ATXN7: variants seen among roughly 807,000 people sequenced by gnomAD.
ATXN7 encodes the protein ataxin-7.
ATXN7 carries 12 observed loss-of-function variants against 70.5 expected under a neutral mutation model. The observed-to-expected ratio is 0.17, with a 90% CI of 0.11 to 0.28. ATXN7 has a LOEUF of 0.28. Ranked by LOEUF, ATXN7 falls within the 10% of genes least tolerant of loss-of-function variation. ATXN7 has a pLI of 1.00. For missense variants in ATXN7, 1,256 were observed against 1,131.7 expected, an observed-to-expected ratio of 1.11 and a Z score of -1.58; for synonymous variants, 498 against 448.7, an observed-to-expected ratio of 1.11 and a Z score of -1.39.
At position 63,996,266 on chromosome 3, in the gene ATXN7, C is replaced by T. The variant is rs1382135714; in HGVS notation, c.2444C>T (p.Pro815Leu). ...TTCATTCACCAGTCCAATGAACTGC[C>T]TGTCAACTCCCACGGCAGTTTTTCC... The part of the protein sequence containing the change: ...GPFIHQSNEL[P>L]VNSHGSFSHS... The change falls in exon 12 of 13, where the codon CCT becomes CTT. Residue 815 changes from proline (P) to leucine (L), a missense_variant. Transcript: ENST00000674280. 1.2e-6 allele frequency: 2 copies of T among 1,614,046 alleles called. No homozygotes were observed. The highest frequency in any genetic ancestry group is 1.7e-6 in the Non-Finnish European group (2 of 1,180,044).
intron 5 of ATXN7, among the ~76,000 whole-genome samples, chr3:63,956,056 C>T (rs2075034262): frequency 6.6e-6 from 1 of 152,186 alleles, no homozygotes; most frequent in African/African-American, 2.4e-5. Context: ...TCCATTTGAG[C>T]AATGATGGTG....
Position 63,982,349 on chromosome 3 carries a change from A to T in ATXN7, c.916A>T (p.Ile306Phe), listed in dbSNP as rs140270787. 2,985 of 1,614,172 alleles carry T rather than the reference A, an allele frequency of 1.8e-3. 2 individuals are homozygous for T. Among genetic ancestry groups the T allele is most frequent in the Non-Finnish European group, 2.3e-3 (2,714 of 1,180,030 alleles). Residue 306 changes from isoleucine (I) to phenylalanine (F), a missense_variant, in exon 7 of 13, where the codon ATT becomes TTT. Ile to Phe is a conservative substitution (Grantham distance 21). Coordinates refer to ENST00000674280, the MANE Select transcript of ATXN7 (RefSeq NM_001377405.1). ...GCCAACCTTGCCTTCACCTGGACAG[A>T]TTCTGAATGGCAAAGGGCTTCCTGC... ...PKPTLPSPGQ[I>F]LNGKGLPAPP...
rs950291394 is a variant in ATXN7 at position 64,002,596 on chromosome 3, A to T, written c.*3129A>T. 2 of 152,148 alleles carry T rather than the reference A, an allele frequency of 1.3e-5. No individual in the cohort carries two copies. The highest frequency in any genetic ancestry group is 4.8e-5 in the African/African-American group (2 of 41,416). The allele number at this position is 152,148 out of a possible 1,614,324, so 9.4% of individuals were successfully genotyped here. A position where few individuals can be genotyped will look rare whatever the true frequency, so the allele number is the denominator to read the frequency against. On this transcript the variant is annotated 3_prime_UTR_variant, in exon 13 of 13. Transcript: ENST00000674280. The stretch of plus-strand genomic sequence containing the variant: ...ATGGAAAAAACTGAAAGTGCCTGAA[A>T]CTAGTTTTAAGCTTAGACAGAATCT...
rs370777077 is a variant in ATXN7, at chr3:63,885,770, A to G, written c.-110-12629A>G. Among the ~76,000 whole-genome samples, 32 of 152,310 alleles carry G rather than the reference A, an allele frequency of 2.1e-4. No individual in the cohort carries two copies. In the East Asian group the frequency reaches 2.3e-3, roughly 11 times the overall value. Reference sequence around the variant, plus strand: ...AGTGGCTCATGCCTGTAATCCCAGCACTTTGGGAGGCCAAGGTAGGTGAAT... The same window carrying G: ...AGTGGCTCATGCCTGTAATCCCAGCGCTTTGGGAGGCCAAGGTAGGTGAAT... On this transcript the variant is annotated intron_variant, in intron 1 of 12. Coordinates refer to ENST00000674280, the MANE Select transcript of ATXN7 (RefSeq NM_001377405.1).
intron 5 of ATXN7, among the ~76,000 whole-genome samples, chr3:63,964,603 G>A (rs886959677): frequency 6.6e-6 from 1 of 152,288 alleles, no homozygotes; most frequent in African/African-American, 2.4e-5. Flanking sequence ...GAGAGCCATC[G>A]ACCAAAAGAT....
rs116309479 is a variant in ATXN7, at chr3:63,871,418, G to C, written c.-111+7260G>C. Among the ~76,000 whole-genome samples the C allele has an allele frequency of 2.7e-3, 405 of 152,112 alleles. 2 individuals carry two copies. Among genetic ancestry groups the C allele is most frequent in the African/African-American group, 9.2e-3 (382 of 41,484 alleles). On this transcript the variant is annotated intron_variant, in intron 1 of 12. Coordinates refer to ENST00000674280, the MANE Select transcript of ATXN7 (RefSeq NM_001377405.1). ...ACGTATCTTTTGGATAACAGTTTGG[G>C]CAATATGAACCCAAAGTCATTACAA...
intron 10 of ATXN7, 64 bp from the exon 11 acceptor site, chr3:63,990,674 A>G (rs1297685258): frequency 6.2e-7 from 1 of 1,612,492 alleles, no homozygotes; most frequent in African/African-American, 1.3e-5. Flanking sequence ...TGAAGGATCT[A>G]GAACCCTGAC....
intron 1 of ATXN7, among the ~76,000 whole-genome samples, chr3:63,874,089 TAA>T (rs1324081562): frequency 6.6e-6 from 1 of 152,236 alleles, no homozygotes; most frequent in African/African-American, 2.4e-5. Flanking sequence ...CTTACCACTC[TAA>T]ATGCAATACT....
chr3:63,976,355 T>C (rs2075388448), intron 5 of ATXN7, among the ~76,000 whole-genome samples: 1 of 152,220 alleles, frequency 6.6e-6, no homozygotes, highest in Non-Finnish European at 1.5e-5. Flanking sequence ...GATAATTCAG[T>C]AGCATGACAA....
intron 5 of ATXN7, among the ~76,000 whole-genome samples, chr3:63,965,968 C>G (rs1575962096): frequency 1.3e-5 from 2 of 152,252 alleles, no homozygotes; most frequent in East Asian, 3.9e-4. Context: ...TATTTGTGAA[C>G]TTAAATATAG....
rs533515049 is a variant in ATXN7 at position 63,960,105 on chromosome 3, A to G, written c.499+7622A>G. ...GACCACTTTAGGTAAGGCTAGTTAA[A>G]GAAAGCCTGTCTCTGGAGTTGATGT... On this transcript the variant is annotated intron_variant, in intron 5 of 12. Transcript: ENST00000674280. Among the ~76,000 whole-genome samples, 21 of 152,360 alleles carry G rather than the reference A, an allele frequency of 1.4e-4. No individual in the cohort carries two copies. In the South Asian group the frequency reaches 4.3e-3, roughly 32 times the overall value.
chr3:63,944,838 C>G lies in ATXN7; in HGVS notation c.395-7541C>G, dbSNP rs151159124. ...ACAGAATCTTGCTCTGTCACCCAGG[C>G]TGAAGTGCAGTGGCGCAGTCTCAGC... On this transcript the variant is annotated intron_variant, in intron 4 of 12. Transcript: ENST00000674280. Among the ~76,000 whole-genome samples, 1,320 of 152,192 alleles carry G rather than the reference C, an allele frequency of 8.7e-3. 14 individuals carry two copies. The highest frequency in any genetic ancestry group is 0.028 in the African/African-American group (1,183 of 41,514).
chr3:63,929,323 A>G (rs2107336244), intron 4 of ATXN7, among the ~76,000 whole-genome samples: 1 of 136,568 alleles, frequency 7.3e-6, no homozygotes, highest in African/African-American at 2.8e-5. Context: ...GCCAGGCTGG[A>G]GTGCAGTGGC....
At chr3:63,964,376 G>A (rs1020324295) in intron 5 of ATXN7, among the ~76,000 whole-genome samples, 11 of 152,054 alleles carry the variant, frequency 7.2e-5, no homozygotes, top group East Asian at 3.9e-4. Context: ...GTGATTAATT[G>A]CAAGGCCAAG....
intron 1 of ATXN7, among the ~76,000 whole-genome samples, chr3:63,892,018 C>A (rs1311477425): frequency 6.6e-6 from 1 of 152,160 alleles, no homozygotes; most frequent in Non-Finnish European, 1.5e-5. Flanking sequence ...TCCTCACTTA[C>A]AAGTATTCTT....
At chr3:63,992,000 G>A (rs17069612) in intron 11 of ATXN7, among the ~76,000 whole-genome samples, 8,002 of 152,130 alleles carry the variant, frequency 0.053, 289 homozygotes, top group African/African-American at 0.094. Context: ...GTATTCGGTG[G>A]GAGTGACTTT....
At chr3:63,898,223 A>G (rs1317232374) in intron 1 of ATXN7, among the ~76,000 whole-genome samples, 176 bp from the exon 2 acceptor site, 1 of 12,642 alleles carries the variant, frequency 7.9e-5, no homozygotes, top group Non-Finnish European at 4.6e-4. Flanking sequence ...GTTCATTGTA[A>G]AAAAAAAAAA....
chr3:63,931,661 A>G (rs1704968388), intron 4 of ATXN7, among the ~76,000 whole-genome samples: 1 of 151,924 alleles, frequency 6.6e-6, no homozygotes, highest in Non-Finnish European at 1.5e-5. Flanking sequence ...AATACCCTTG[A>G]CTGTATTTAT....
chr3:63,959,477 G>A (rs1402342835), intron 5 of ATXN7, among the ~76,000 whole-genome samples: 1 of 152,152 alleles, frequency 6.6e-6, no homozygotes, highest in African/African-American at 2.4e-5. Context: ...TTGTCATTAA[G>A]TAACCATTTT....
Sources: gnomAD v4.1 joint callset for allele counts (sites outside exome capture counted in the v4.1 genomes callset) on GRCh38, gnomAD v4.1.1 for gene constraint, MANE v1.5 for transcripts, NCBI Gene and HGNC (gene_info 2026-07-23, HGNC 2026-07-21) for gene names.